The following ENOX1 variants were observed in gnomAD, a reference collection of about 807,000 sequenced individuals.
ENOX1 encodes ecto-NOX disulfide-thiol exchanger 1, also known as candidate growth-related and time keeping constitutive hydroquinone (NADH) oxidase.
Under a neutral mutation model 82.5 loss-of-function variants are expected in ENOX1, and 42 were observed. The observed-to-expected ratio is 0.51, with a 90% CI of 0.40 to 0.66. The LOEUF is 0.66. Among genes scored for constraint, ENOX1 ranks in the 30% least tolerant of loss-of-function variants. ENOX1 has a pLI of 0.00. For missense variants in ENOX1, 608 were observed against 811.6 expected, an observed-to-expected ratio of 0.75 and a Z score of 3.05; for synonymous variants, 271 against 282.2, an observed-to-expected ratio of 0.96 and a Z score of 0.40.
chr13:43,669,090 G>T (rs1360986263), intron 1 of ENOX1, among the ~76,000 whole-genome samples: 3 of 152,188 alleles, frequency 2.0e-5, no homozygotes, highest in Non-Finnish European at 4.4e-5. Flanking sequence ...GCTGCAAACT[G>T]CAAGGGGGCA....
chr13:43,751,406 C>G (rs754476274), intron 1 of ENOX1, among the ~76,000 whole-genome samples: 1 of 152,176 alleles, frequency 6.6e-6, no homozygotes, highest in Non-Finnish European at 1.5e-5. Context: ...AAACTCCACA[C>G]TTTAAAGTGT....
intron 1 of ENOX1, among the ~76,000 whole-genome samples, chr13:43,684,031 C>T (rs2085931710): frequency 6.8e-6 from 1 of 146,376 alleles, no homozygotes; most frequent in Non-Finnish European, 1.5e-5. Context: ...ATGTAACCTA[C>T]TCTGCAGTGA....
At chr13:43,392,994 A>G (rs932820980) in intron 5 of ENOX1, among the ~76,000 whole-genome samples, 4 of 152,210 alleles carry the variant, frequency 2.6e-5, no homozygotes, top group East Asian at 1.9e-4. Context: ...CCTGACAATT[A>G]TAAGTCAGTA....
At chr13:43,426,207 G>C (rs1463114905) in intron 3 of ENOX1, among the ~76,000 whole-genome samples, 12 of 152,146 alleles carry the variant, frequency 7.9e-5, no homozygotes. Context: ...ATAAATAATT[G>C]TGGAAAAGAA....
intron 9 of ENOX1, among the ~76,000 whole-genome samples, chr13:43,337,750 C>G (rs4942215): frequency 0.2 from 29,856 of 151,988 alleles, 3,799 homozygotes; most frequent in East Asian, 0.55. Context: ...CACACACACA[C>G]ATACACACAC....
At chr13:43,328,827 T>C (rs1301361626) in intron 9 of ENOX1, among the ~76,000 whole-genome samples, 1 of 152,246 alleles carries the variant, frequency 6.6e-6, no homozygotes, top group African/African-American at 2.4e-5. Flanking sequence ...GTTCAGTTCA[T>C]TCATTCATTC....
At chr13:43,424,208 A>G (rs1225166157) in intron 3 of ENOX1, among the ~76,000 whole-genome samples, 1 of 152,192 alleles carries the variant, frequency 6.6e-6, no homozygotes, top group Non-Finnish European at 1.5e-5. Context: ...TGTAAACATT[A>G]TTGTCTTCTT....
chr13:43,730,421 A>G (rs80258436), intron 1 of ENOX1, among the ~76,000 whole-genome samples: 4,297 of 152,212 alleles, frequency 0.028, 238 homozygotes, highest in East Asian at 0.21. Context: ...ATATTTCTCA[A>G]TTGCCCTGAG....
At chr13:43,459,933 G>A (rs2057392894) in intron 3 of ENOX1, among the ~76,000 whole-genome samples, 1 of 152,160 alleles carries the variant, frequency 6.6e-6, no homozygotes, top group African/African-American at 2.4e-5. Context: ...GGCAGAGGTT[G>A]CAGTGAGCCG....
At chr13:43,267,983 T>C (rs1486439656) in intron 13 of ENOX1, among the ~76,000 whole-genome samples, 1 of 152,236 alleles carries the variant, frequency 6.6e-6, no homozygotes, top group Non-Finnish European at 1.5e-5. Context: ...TGAAGTGTGA[T>C]GTTTCACCCA....
chr13:43,286,669 G>A (rs1312071290), intron 12 of ENOX1, among the ~76,000 whole-genome samples: 1 of 152,188 alleles, frequency 6.6e-6, no homozygotes, highest in African/African-American at 2.4e-5. Context: ...ATTAATGGCA[G>A]AGCAGGATAA....
intron 3 of ENOX1, among the ~76,000 whole-genome samples, chr13:43,431,192 G>T (rs1250744150): frequency 6.6e-6 from 1 of 152,110 alleles, no homozygotes; most frequent in Admixed American, 6.5e-5. Context: ...TCCTTCTTAG[G>T]TGGTTTCCAA....
chr13:43,383,155 T>C (rs910445798), intron 5 of ENOX1, among the ~76,000 whole-genome samples: 4 of 152,172 alleles, frequency 2.6e-5, no homozygotes, highest in Admixed American at 1.3e-4. Flanking sequence ...TGTCGATGAT[T>C]TGGTAGAGTG....
rs183887317 is a variant in ENOX1, at chr13:43,635,245, G to A, written c.-219+32234C>T. Reference sequence around the variant, plus strand: ...TGTAAGTAATCAGTGGGAAATGGAAGCTCCACTGGAAAAGTCATTCAGCTT... The same window carrying A: ...TGTAAGTAATCAGTGGGAAATGGAAACTCCACTGGAAAAGTCATTCAGCTT... On this transcript the variant is annotated intron_variant, in intron 2 of 16. Transcript: ENST00000690772. Among the ~76,000 whole-genome samples the A allele has an allele frequency of 2.6e-5, 4 of 152,310 alleles. No homozygotes were observed. In the East Asian group the frequency reaches 7.7e-4, roughly 29 times the overall value.
At chr13:43,773,255 C>T (rs770249389) in intron 1 of ENOX1, among the ~76,000 whole-genome samples, 84 of 152,200 alleles carry the variant, frequency 5.5e-4, no homozygotes, top group Non-Finnish European at 1.1e-3. Context: ...ATAGGATTTC[C>T]TTTTGGTGGC....
intron 2 of ENOX1, chr13:43,545,666 T>G (rs1051390068): frequency 6.6e-6 from 1 of 152,218 alleles, no homozygotes; most frequent in African/African-American, 2.4e-5. Flanking sequence ...GACTGAGAAA[T>G]AGCAAGAAAC....
At chr13:43,625,104 G>A (rs922871299) in intron 2 of ENOX1, among the ~76,000 whole-genome samples, 3 of 151,858 alleles carry the variant, frequency 2.0e-5, no homozygotes, top group African/African-American at 7.2e-5. Flanking sequence ...TTATATTTAT[G>A]CCTAAGTAAC....
chr13:43,443,784 T>C (rs1318870698), intron 3 of ENOX1, among the ~76,000 whole-genome samples: 3 of 152,074 alleles, frequency 2.0e-5, no homozygotes. Flanking sequence ...AAAGGAAGAA[T>C]AGGATCAGAC....
At chr13:43,681,044 G>C (rs2085758295) in intron 1 of ENOX1, among the ~76,000 whole-genome samples, 1 of 152,104 alleles carries the variant, frequency 6.6e-6, no homozygotes, top group African/African-American at 2.4e-5. Flanking sequence ...TAGAAAGGCA[G>C]ACACTGAACT....
Sources: gnomAD v4.1 joint callset for allele counts (sites outside exome capture counted in the v4.1 genomes callset) on GRCh38, gnomAD v4.1.1 for gene constraint, MANE v1.5 for transcripts, NCBI Gene and HGNC (gene_info 2026-07-23, HGNC 2026-07-21) for gene names.